Variants in GFRA2 observed in about 807,000 individuals in gnomAD.
GFRA2 encodes the protein GDNF family receptor alpha-2.
Under a neutral mutation model 48.3 loss-of-function variants are expected in GFRA2, and 17 were observed. The observed-to-expected ratio is 0.35, with a 90% CI of 0.24 to 0.53. The LOEUF is 0.53. GFRA2 is among the 20% of genes least tolerant of loss of function. The pLI is 0.93. For missense variants in GFRA2, 660 were observed against 637.3 expected, an observed-to-expected ratio of 1.04 and a Z score of -0.38; for synonymous variants, 305 against 257.2, an observed-to-expected ratio of 1.19 and a Z score of -1.78.
At chr8:21,751,316 G>A (rs748475355) in intron 3 of GFRA2, among the ~76,000 whole-genome samples, 3 of 152,118 alleles carry the variant, frequency 2.0e-5, no homozygotes, top group Non-Finnish European at 4.4e-5. Context: ...GTCATACAAC[G>A]AGGGGGCCCC....
intron 4 of GFRA2, among the ~76,000 whole-genome samples, chr8:21,709,497 C>T (rs190524607): frequency 2.6e-5 from 4 of 152,330 alleles, no homozygotes; most frequent in Admixed American, 6.5e-5. Flanking sequence ...AAATACACAT[C>T]GAGCCCTGCC....
At chr8:21,787,284 T>C (rs1166295498) in intron 1 of GFRA2, among the ~76,000 whole-genome samples, 1 of 128,078 alleles carries the variant, frequency 7.8e-6, no homozygotes, top group East Asian at 2.7e-4. Flanking sequence ...GTGGGGGGGG[T>C]TTGCAGAAGG....
chr8:21,789,121 C>T, upstream of GFRA2: 1 of 166,868 alleles, frequency 6.0e-6, no homozygotes, highest in Non-Finnish European at 1.2e-5. Context: ...GTGGCGGTGG[C>T]GGCGGCGGCG....
In GFRA2 at chr8:21,784,972, G is replaced by A. The variant is rs1283665067; in HGVS notation, c.41-2073C>T. 5.9e-5 allele frequency among the ~76,000 whole-genome samples: 9 copies of A among 152,096 alleles called. No individual in the cohort carries two copies. The East Asian group carries it at 9.7e-4, about 16-fold the overall frequency. On this transcript the variant is annotated intron_variant, in intron 1 of 8. Transcript: ENST00000524240. The stretch of plus-strand genomic sequence containing the variant: ...TGTACCTGCGGCCCCCAGCCAGCCC[G>A]TGGGAGCCTCTGGAAGAATATAACC...
rs1563217033 is a variant in GFRA2 at position 21,704,966 on chromosome 8, GAGAACATCC to G, written c.1045+10_1045+18del. ...GGTGGGAGGGGCTGCTGGGGTTGGG[GAGAACATCC>G]AGAACTTACGGAGGCATGGGTTCTC... On this transcript the variant is annotated intron_variant, in intron 6 of 8. Transcript: ENST00000524240. 1 of 1,597,350 alleles carries G rather than the reference GAGAACATCC, an allele frequency of 6.3e-7. No homozygotes were observed. Among genetic ancestry groups the G allele is most frequent in the South Asian group, 1.1e-5 (1 of 88,912 alleles).
intron 2 of GFRA2, among the ~76,000 whole-genome samples, chr8:21,802,541 GA>G (rs1807790112): frequency 6.6e-6 from 1 of 152,030 alleles, no homozygotes; most frequent in South Asian, 2.1e-4. Flanking sequence ...TTTTTATAGA[GA>G]TGAGGTCTCT....
chr8:21,694,842 C>A (rs917936456), intron 7 of GFRA2, among the ~76,000 whole-genome samples: 4 of 152,208 alleles, frequency 2.6e-5, no homozygotes, highest in Non-Finnish European at 5.9e-5. Flanking sequence ...ACCATGTCTT[C>A]TTTTCCTCAC....
rs529158520 is a variant in GFRA2, at chr8:21,742,300, A to C, written c.794+8288T>G. Among the ~76,000 whole-genome samples the C allele has an allele frequency of 2.6e-5, 4 of 152,276 alleles. No homozygotes were observed. In the East Asian group the frequency reaches 5.8e-4, roughly 22 times the overall value. ...CTCATGACGGGATTAGTGGCCTTAT[A>C]AGAAGAGGAACAGACAACAGATTGA... is the stretch of plus-strand genomic sequence containing the variant. On this transcript the variant is annotated intron_variant, in intron 4 of 8. Transcript: ENST00000524240.
intron 4 of GFRA2, among the ~76,000 whole-genome samples, chr8:21,741,593 G>C (rs551965863): frequency 5.3e-5 from 8 of 152,246 alleles, no homozygotes; most frequent in African/African-American, 1.9e-4. Flanking sequence ...CTAGCATGGT[G>C]CCTGGCACAG....
intron 2 of GFRA2, among the ~76,000 whole-genome samples, chr8:21,797,287 C>CTTTTTTTTTTTTTTTTTTTTTTTT (rs1159867192): frequency 7.0e-5 from 6 of 85,642 alleles, no homozygotes; most frequent in African/African-American, 1.4e-4. Context: ...CCTTTCTTTG[C>CTTTTTTTTTTTTTTTTTTTTTTTT]TTTTTTTTTT....
chr8:21,811,189 A>G (rs1224900710), intron 1 of GFRA2, among the ~76,000 whole-genome samples: 3 of 152,140 alleles, frequency 2.0e-5, no homozygotes, highest in Non-Finnish European at 4.4e-5. Context: ...AGGCCCAGCC[A>G]GCAGCATCCC....
intron 7 of GFRA2, among the ~76,000 whole-genome samples, chr8:21,695,227 A>G (rs1321266566): frequency 5.9e-5 from 9 of 152,184 alleles, no homozygotes; most frequent in Non-Finnish European, 1.2e-4. Context: ...ACCTGGATGC[A>G]GGGCCAGAGG....
upstream of GFRA2, chr8:21,789,925 C>A (rs1487019887): frequency 3.6e-6 from 1 of 276,152 alleles, no homozygotes; most frequent in East Asian, 1.8e-4. Flanking sequence ...CGAGACCGAC[C>A]CGGGCCGGGG....
At chr8:21,781,162 G>A (rs893896350) in intron 2 of GFRA2, among the ~76,000 whole-genome samples, 11 of 152,044 alleles carry the variant, frequency 7.2e-5, no homozygotes, top group African/African-American at 2.2e-4. Context: ...TCCTGGTTCC[G>A]CCACAACTGT....
chr8:21,768,428 G>A (rs1216747142), intron 3 of GFRA2, among the ~76,000 whole-genome samples: 11 of 152,212 alleles, frequency 7.2e-5, no homozygotes, highest in African/African-American at 1.2e-4. Context: ...CTGTGCCCCC[G>A]CCTCATCACA....
chr8:21,772,536 C>A (rs1239358682), intron 3 of GFRA2, among the ~76,000 whole-genome samples: 3 of 152,126 alleles, frequency 2.0e-5, no homozygotes, highest in Non-Finnish European at 4.4e-5. Flanking sequence ...CAAGTCTCCC[C>A]AGACACAGCT....
At chr8:21,770,322 G>A (rs1806382816) in intron 3 of GFRA2, among the ~76,000 whole-genome samples, 1 of 152,268 alleles carries the variant, frequency 6.6e-6, no homozygotes, top group Non-Finnish European at 1.5e-5. Flanking sequence ...ACCTGGCTTA[G>A]TGCAGCATGC....
At chr8:21,732,760 C>G (rs1345834222) in intron 4 of GFRA2, among the ~76,000 whole-genome samples, 1 of 152,206 alleles carries the variant, frequency 6.6e-6, no homozygotes, top group Non-Finnish European at 1.5e-5. Flanking sequence ...TGTAAACACC[C>G]CCTAGAGTAT....
At chr8:21,744,358 T>A (rs548258660) in intron 4 of GFRA2, among the ~76,000 whole-genome samples, 1 of 152,288 alleles carries the variant, frequency 6.6e-6, no homozygotes, top group Admixed American at 6.5e-5. Context: ...AATCTATTTA[T>A]ACACATCCTC....
Sources: gnomAD v4.1 joint callset for allele counts (sites outside exome capture counted in the v4.1 genomes callset) on GRCh38, gnomAD v4.1.1 for gene constraint, MANE v1.5 for transcripts, NCBI Gene and HGNC (gene_info 2026-07-23, HGNC 2026-07-21) for gene names.